The following CELSR1 variants were observed in gnomAD, a reference collection of about 807,000 sequenced individuals.
CELSR1 encodes the protein cadherin EGF LAG seven-pass G-type receptor 1, also known as adhesion G protein-coupled receptor C1.
CELSR1 carries 110 observed loss-of-function variants against 249.1 expected under a neutral mutation model. The ratio of observed to expected loss-of-function variants is 0.44; its 90% CI spans 0.38 to 0.52. The LOEUF is 0.52. CELSR1 is among the 20% of genes least tolerant of loss of function. The probability of loss-of-function intolerance (pLI) is 0.00; values close to 1 mark genes in which losing one functional copy is unlikely to be tolerated. For synonymous variants in CELSR1, 2,113 were observed against 1,900.0 expected (o/e 1.11, Z -2.92); for missense variants, 4,109 against 4,296.4 (o/e 0.96, Z 1.22).
Position 46,437,997 on chromosome 22 carries a change from T to G in CELSR1, c.4406+1192A>C, listed in dbSNP as rs2079685074. Among the ~76,000 whole-genome samples the G allele has an allele frequency of 6.6e-6, 1 of 152,160 alleles. No individual in the cohort carries two copies. Among genetic ancestry groups the G allele is most frequent in the Admixed American group, 6.5e-5 (1 of 15,268 alleles). On this transcript the variant is annotated intron_variant, in intron 3 of 34. Coordinates refer to ENST00000674500, the MANE Select transcript of CELSR1 (RefSeq NM_001378328.1). The surrounding 1 kb of genome is among the most constrained non-coding windows in gnomAD (Gnocchi z 4.9). The stretch of plus-strand genomic sequence containing the variant: ...TTGGTGGGTTTCACTTCTGTGCGGT[T>G]CCCTTTGGACCCAGGTGGGGGCTGG...
intron 27 of CELSR1, 56 bp downstream of exon 27, chr22:46,369,123 T>C: frequency 6.4e-7 from 1 of 1,560,246 alleles, no homozygotes; most frequent in Non-Finnish European, 8.8e-7. Context: ...AGACTGGACG[T>C]CGGGGTCTCA....
rs929219199 is a variant in CELSR1, at chr22:46,488,760, T to C, written c.3545-24415A>G. On this transcript the variant is annotated intron_variant, in intron 1 of 34. Transcript: ENST00000674500. This position sits in a 1 kb window ranked among gnomAD's most constrained non-coding sequence, Gnocchi z 4.7. ...CTGCAAGCTCCACCTCCCAGGTTCA[T>C]GCCATTCTCCTGCCTCAGCCTCCCG... Among the ~76,000 whole-genome samples the C allele has an allele frequency of 3.3e-5, 5 of 151,524 alleles. No homozygotes were observed. Among genetic ancestry groups the C allele is most frequent in the Non-Finnish European group, 5.9e-5 (4 of 67,898 alleles).
At position 46,536,523 on chromosome 22, in the gene CELSR1, C is replaced by G; in HGVS notation, c.648G>C (p.Pro216=). The G allele has an allele frequency of 7.5e-6, 11 of 1,472,012 alleles. No homozygotes were observed. The highest frequency in any genetic ancestry group is 2.7e-5 in the Admixed American group (1 of 37,002). 91.2% of individuals were successfully genotyped at this position (1,472,012 alleles called of 1,614,324 possible). The change falls in exon 1 of 35, where the codon CCG becomes CCC. Residue 216 remains proline, a synonymous_variant. Transcript: ENST00000674500. ...GTPSASPSPS[P]PLPPNLPEAR... ...CTTCGGGCAAGTTCGGCGGCAGGGG[C>G]GGCGATGGGGATGGCGACGCGGAGG...
chr22:46,408,499 T>A lies in CELSR1; in HGVS notation c.5226+497A>T, dbSNP rs888284757. 3.3e-5 allele frequency among the ~76,000 whole-genome samples: 5 copies of A among 152,052 alleles called. No homozygotes were observed. Among genetic ancestry groups the A allele is most frequent in the African/African-American group, 1.2e-4 (5 of 41,424 alleles). On this transcript the variant is annotated intron_variant, in intron 9 of 34. Coordinates refer to ENST00000674500, the MANE Select transcript of CELSR1 (RefSeq NM_001378328.1). This position sits in a 1 kb window ranked among gnomAD's most constrained non-coding sequence, Gnocchi z 4.6. ...GGCCCCCACTACCAAGCCTGGCTAATTTTTTTTGTATTTTTAGTAGAGATG... is the reference window on the plus strand; with the variant it reads ...GGCCCCCACTACCAAGCCTGGCTAAATTTTTTTGTATTTTTAGTAGAGATG...
intron 18 of CELSR1, among the ~76,000 whole-genome samples, chr22:46,388,603 A>G (rs2079055867): frequency 6.6e-6 from 1 of 152,092 alleles, no homozygotes; most frequent in African/African-American, 2.4e-5. Context: ...GGTGTCCCCC[A>G]TGGGCTCTGT....
chr22:46,373,566 G>A (rs985607053), intron 24 of CELSR1, among the ~76,000 whole-genome samples: 3 of 150,928 alleles, frequency 2.0e-5, no homozygotes, highest in Admixed American at 6.6e-5. Flanking sequence ...GCCCCAGCCA[G>A]TGCTCCCAAA....
At chr22:46,475,917 C>A (rs984276334) in intron 1 of CELSR1, among the ~76,000 whole-genome samples, 1 of 152,098 alleles carries the variant, frequency 6.6e-6, no homozygotes, top group Non-Finnish European at 1.5e-5. Flanking sequence ...CTTGATGGAA[C>A]CTTCTGGAAG....
rs980274462 is a variant in CELSR1, at chr22:46,536,951, C to T, written c.220G>A (p.Ala74Thr). The change falls in exon 1 of 35, where the codon GCA becomes ACA. Residue 74 changes from alanine (A) to threonine (T), a missense_variant. By Grantham distance (58) the Ala-to-Thr change is moderately conservative. Around this residue, in one of 7 missense-constraint regions of CELSR1, gnomAD observed 673 missense variants for 636.8 expected, o/e 1.06. Transcript: ENST00000674500. ...LLDVGRDGRL[A>T]GRRRVSGAGR... ...GCGCCCGAGACGCGCCGACGTCCTG[C>T]CAGCCGCCCATCGCGGCCCACGTCC... 30 of 1,153,550 alleles carry T rather than the reference C, an allele frequency of 2.6e-5. No individual in the cohort carries two copies. The African/African-American group carries it at 4.6e-4, about 18-fold the overall frequency. 71.5% of individuals were successfully genotyped at this position (1,153,550 alleles called of 1,614,324 possible).
intron 2 of CELSR1, among the ~76,000 whole-genome samples, chr22:46,456,050 G>A (rs2079945436): frequency 6.6e-6 from 1 of 152,018 alleles, no homozygotes; most frequent in Non-Finnish European, 1.5e-5. Flanking sequence ...CCCAAGAAAG[G>A]ATTCTGTTAC....
At chr22:46,532,607 T>C (rs904613249) in intron 1 of CELSR1, among the ~76,000 whole-genome samples, 1 of 152,180 alleles carries the variant, frequency 6.6e-6, no homozygotes, top group Admixed American at 6.5e-5. Flanking sequence ...TTAAACAATT[T>C]CTCTGAAACA....
chr22:46,454,506 A>T lies in CELSR1; in HGVS notation c.4183+9201T>A, dbSNP rs1359770282. ...CCTCAACAGCACAGACTTCGAAGTC[A>T]CGGGGAACGGCGTGTGCTTTAAACC... On this transcript the variant is annotated intron_variant, in intron 2 of 34. Coordinates refer to ENST00000674500, the MANE Select transcript of CELSR1 (RefSeq NM_001378328.1). The surrounding 1 kb of genome is among the most constrained non-coding windows in gnomAD (Gnocchi z 5.1). Among the ~76,000 whole-genome samples, 1 of 152,232 alleles carries T rather than the reference A, an allele frequency of 6.6e-6. No individual in the cohort carries two copies. Among genetic ancestry groups the T allele is most frequent in the Non-Finnish European group, 1.5e-5 (1 of 68,040 alleles).
At chr22:46,424,380 G>C (rs2079514342) in intron 5 of CELSR1, among the ~76,000 whole-genome samples, 1 of 152,206 alleles carries the variant, frequency 6.6e-6, no homozygotes, top group East Asian at 1.9e-4. Context: ...CACCTGGCCT[G>C]AAAGTTATTT....
rs767194268 is a variant in CELSR1 at position 46,533,743 on chromosome 22, A to G, written c.3428T>C (p.Val1143Ala). 1.2e-6 allele frequency: 2 copies of G among 1,613,356 alleles called. No homozygotes were observed. Among genetic ancestry groups the G allele is most frequent in the Non-Finnish European group, 1.7e-6 (2 of 1,180,018 alleles). Residue 1143 changes from valine (V) to alanine (A), a missense_variant, in exon 1 of 35, where the codon GTG becomes GCG. By Grantham distance (64) the Val-to-Ala change is moderately conservative. This residue lies in a region of CELSR1 where 886 missense variants were observed against 896.5 expected (regional missense o/e 0.99). Coordinates refer to ENST00000674500, the MANE Select transcript of CELSR1 (RefSeq NM_001378328.1). Reference sequence around the variant, plus strand: ...CAACAGGCGCAGCTCGTTGCCCTGCACGAAGGTGTAGTTGAGGCTGTCTGA... The same window carrying G: ...CAACAGGCGCAGCTCGTTGCCCTGCGCGAAGGTGTAGTTGAGGCTGTCTGA... ...DVSDSLNYTF[V>A]QGNELRLLLL...
chr22:46,394,597 G>T (rs2079128911), intron 13 of CELSR1, among the ~76,000 whole-genome samples: 1 of 152,240 alleles, frequency 6.6e-6, no homozygotes, highest in African/African-American at 2.4e-5. Flanking sequence ...CAGGCAGACT[G>T]AGCTCAGCTG....
In CELSR1 at chr22:46,448,918, A is replaced by G. The variant is rs1476834744; in HGVS notation, c.4184-9507T>C. ...GAGAAAGCACACAGATAGGAGGCCA[A>G]GAGGGGAACGTTACAGGGTTTCTAA... On this transcript the variant is annotated intron_variant, in intron 2 of 34. Coordinates refer to ENST00000674500, the MANE Select transcript of CELSR1 (RefSeq NM_001378328.1). The surrounding 1 kb of genome is among the most constrained non-coding windows in gnomAD (Gnocchi z 5.7). Among the ~76,000 whole-genome samples the G allele has an allele frequency of 1.3e-5, 2 of 152,202 alleles. No individual in the cohort carries two copies. Among genetic ancestry groups the G allele is most frequent in the Non-Finnish European group, 2.9e-5 (2 of 68,032 alleles).
At chr22:46,422,816 T>C (rs2079493100) in intron 5 of CELSR1, among the ~76,000 whole-genome samples, 1 of 150,764 alleles carries the variant, frequency 6.6e-6, no homozygotes, top group South Asian at 2.1e-4. Flanking sequence ...AACTGCTATA[T>C]TGTTTTTTTA....
chr22:46,366,329 G>T, intron 30 of CELSR1, 57 bp downstream of exon 30: 2 of 1,299,690 alleles, frequency 1.5e-6, no homozygotes. Flanking sequence ...GGGTGGCAGG[G>T]GCAAAACCTG....
At chr22:46,509,712 G>A (rs542804907) in intron 1 of CELSR1, among the ~76,000 whole-genome samples, 3 of 152,250 alleles carry the variant, frequency 2.0e-5, no homozygotes, top group South Asian at 4.1e-4. Context: ...GTGAGGTGGC[G>A]GGGTCTGTGG....
At position 46,396,962 on chromosome 22, in the gene CELSR1, G is replaced by A. The variant is rs1018219080; in HGVS notation, c.5702-216C>T. Reference sequence around the variant, plus strand: ...AGGCCTTCCCGGGCTGCCCCAAGGAGGGTGAGAGCCTTGGAACACGGGGCC... The same window carrying A: ...AGGCCTTCCCGGGCTGCCCCAAGGAAGGTGAGAGCCTTGGAACACGGGGCC... On this transcript the variant is annotated intron_variant, in intron 12 of 34. Transcript: ENST00000674500. This position sits in a 1 kb window ranked among gnomAD's most constrained non-coding sequence, Gnocchi z 6.4. 2.0e-5 allele frequency among the ~76,000 whole-genome samples: 3 copies of A among 152,128 alleles called. No individual in the cohort carries two copies. Among genetic ancestry groups the A allele is most frequent in the Admixed American group, 6.6e-5 (1 of 15,266 alleles).
Sources: allele counts gnomAD v4.1 joint callset (sites outside exome capture counted in the v4.1 genomes callset), GRCh38; gene constraint gnomAD v4.1.1; regional missense constraint gnomAD v4.1.1; non-coding constraint Gnocchi (gnomAD v3.1); transcripts MANE v1.5; gene names NCBI Gene and HGNC (gene_info 2026-07-23, HGNC 2026-07-21).